SLC8A1: variants seen among roughly 807,000 people sequenced by gnomAD.
SLC8A1 encodes the protein sodium/calcium exchanger 1.
A neutral mutation model predicts 68.3 loss-of-function variants in SLC8A1; 18 were observed. The ratio of observed to expected loss-of-function variants is 0.26; its 90% CI spans 0.18 to 0.39. The LOEUF (loss-of-function observed/expected upper bound fraction) is 0.39, where lower values mean the gene tolerates loss of function less well. SLC8A1 is among the 10% of genes least tolerant of loss of function. The pLI is 1.00. For missense variants in SLC8A1, 985 were observed against 1,156.7 expected, an observed-to-expected ratio of 0.85 and a Z score of 2.15; for synonymous variants, 475 against 415.5, an observed-to-expected ratio of 1.14 and a Z score of -1.74.
intron 2 of SLC8A1, among the ~76,000 whole-genome samples, chr2:40,366,623 G>A (rs1007255224): frequency 1.3e-5 from 2 of 151,954 alleles, no homozygotes; most frequent in African/African-American, 2.4e-5. Flanking sequence ...TATATAACTC[G>A]CTCAAGGTCA....
intron 7 of SLC8A1, among the ~76,000 whole-genome samples, chr2:40,128,367 G>A (rs1480860434): frequency 6.6e-6 from 1 of 152,138 alleles, no homozygotes; most frequent in African/African-American, 2.4e-5. Flanking sequence ...TCTTTGTGCA[G>A]GGAGATCATG....
intron 2 of SLC8A1, among the ~76,000 whole-genome samples, chr2:40,293,458 G>A (rs2149240925): frequency 6.6e-6 from 1 of 152,268 alleles, no homozygotes; most frequent in African/African-American, 2.4e-5. Context: ...TAAACTTGGA[G>A]CTTTAGAGTT....
intron 2 of SLC8A1, among the ~76,000 whole-genome samples, chr2:40,268,510 G>T (rs1001242644): frequency 6.6e-5 from 10 of 152,164 alleles, no homozygotes; most frequent in African/African-American, 2.2e-4. Context: ...AGGATATGGG[G>T]AATGCCTTGG....
At chr2:40,196,949 A>G (rs1228214452) in intron 2 of SLC8A1, among the ~76,000 whole-genome samples, 2 of 152,048 alleles carry the variant, frequency 1.3e-5, no homozygotes, top group African/African-American at 2.4e-5. Flanking sequence ...ATCTCACAGA[A>G]TTACTAAGTC....
chr2:40,422,274 A>C (rs1377192610), intron 2 of SLC8A1, among the ~76,000 whole-genome samples: 1 of 152,206 alleles, frequency 6.6e-6, no homozygotes, highest in Non-Finnish European at 1.5e-5. Context: ...CCCAAACAGT[A>C]AATCTCCAAT....
At chr2:40,441,782 A>G (rs1011145203) in intron 1 of SLC8A1, among the ~76,000 whole-genome samples, 26 of 152,044 alleles carry the variant, frequency 1.7e-4, no homozygotes, top group Admixed American at 1.7e-3. Context: ...TGGACTGAAG[A>G]CTTAAATGTA....
intron 2 of SLC8A1, among the ~76,000 whole-genome samples, chr2:40,292,769 G>A (rs971911423): frequency 6.6e-6 from 1 of 152,148 alleles, no homozygotes. Context: ...CTGCTGGACT[G>A]GGAGATTTAA....
chr2:40,286,259 C>A (rs370678432), intron 2 of SLC8A1, among the ~76,000 whole-genome samples: 3 of 152,152 alleles, frequency 2.0e-5, no homozygotes, highest in Non-Finnish European at 2.9e-5. Context: ...ATAGGGATAA[C>A]CCCAGGTTCA....
intron 2 of SLC8A1, among the ~76,000 whole-genome samples, chr2:40,215,539 A>C (rs944168990): frequency 6.8e-6 from 1 of 147,526 alleles, no homozygotes; most frequent in African/African-American, 2.5e-5. Context: ...CGGGAGGCTG[A>C]GGCAGGAGAA....
At chr2:40,438,869 G>T (rs1699971706) in intron 1 of SLC8A1, among the ~76,000 whole-genome samples, 1 of 152,110 alleles carries the variant, frequency 6.6e-6, no homozygotes, top group Non-Finnish European at 1.5e-5. Flanking sequence ...TGAAGTGTAA[G>T]GCAGAAAGAG....
At chr2:40,425,868 A>G (rs1298077744) in intron 2 of SLC8A1, among the ~76,000 whole-genome samples, 2 of 152,008 alleles carry the variant, frequency 1.3e-5, no homozygotes, top group East Asian at 3.8e-4. Context: ...CAGCAATCCC[A>G]TTACTGGGTA....
At chr2:40,195,160 A>C (rs978849349) in intron 2 of SLC8A1, among the ~76,000 whole-genome samples, 1 of 152,034 alleles carries the variant, frequency 6.6e-6, no homozygotes, top group Non-Finnish European at 1.5e-5. Flanking sequence ...GGAAGCAAAA[A>C]CCAGTTAGAA....
chr2:40,428,325 A>G (rs1576412408), intron 2 of SLC8A1, 148 bp downstream of exon 2: 2 of 1,349,372 alleles, frequency 1.5e-6, no homozygotes, highest in Non-Finnish European at 1.9e-6. Context: ...GCAAAGACTG[A>G]TATCTTGAAA....
At chr2:40,391,739 G>A (rs1248519739) in intron 2 of SLC8A1, among the ~76,000 whole-genome samples, 2 of 151,964 alleles carry the variant, frequency 1.3e-5, no homozygotes, top group African/African-American at 4.8e-5. Context: ...AATTTAGGGG[G>A]CACTGAAACC....
chr2:40,402,941 G>A (rs1394784902), intron 2 of SLC8A1, among the ~76,000 whole-genome samples: 1 of 152,108 alleles, frequency 6.6e-6, no homozygotes, highest in Non-Finnish European at 1.5e-5. Flanking sequence ...GTGACTTACT[G>A]TTCCAGAGCT....
intron 7 of SLC8A1, among the ~76,000 whole-genome samples, chr2:40,127,213 A>T (rs2038301148): frequency 6.6e-6 from 1 of 152,208 alleles, no homozygotes; most frequent in South Asian, 2.1e-4. Flanking sequence ...CAGTTCAGTT[A>T]TAGAAGCTAT....
At chr2:40,351,831 T>C (rs1273475474) in intron 2 of SLC8A1, among the ~76,000 whole-genome samples, 4 of 152,132 alleles carry the variant, frequency 2.6e-5, no homozygotes, top group Non-Finnish European at 5.9e-5. Context: ...AACCAACAAA[T>C]TGAAGGGACT....
Position 40,370,142 on chromosome 2 carries a change from T to C in SLC8A1, c.1808+58331A>G, listed in dbSNP as rs553069316. Among the ~76,000 whole-genome samples, 49 of 152,230 alleles carry C rather than the reference T, an allele frequency of 3.2e-4. No homozygotes were observed. In the South Asian group the frequency reaches 9.3e-3, roughly 29 times the overall value. On this transcript the variant is annotated intron_variant, in intron 2 of 7. Transcript: ENST00000406785. ...CAACAGATTCAACACACAATACCAG[T>C]TAAAATTAAGGAAAAAGGTCTCATT...
chr2:40,484,892 G>C (rs1194951827), intron 1 of SLC8A1, among the ~76,000 whole-genome samples: 1 of 152,122 alleles, frequency 6.6e-6, no homozygotes, highest in Non-Finnish European at 1.5e-5. Flanking sequence ...AGGTGGAAGG[G>C]GAAGCCAGAG....
Sources: gnomAD v4.1 joint callset for allele counts (sites outside exome capture counted in the v4.1 genomes callset) on GRCh38, gnomAD v4.1.1 for gene constraint, MANE v1.5 for transcripts, NCBI Gene and HGNC (gene_info 2026-07-23, HGNC 2026-07-21) for gene names.